The following UGT1A8 variants were observed in gnomAD, a reference collection of about 807,000 sequenced individuals.
UGT1A8 encodes the protein UDP-glucuronosyltransferase 1A8.
In UGT1A8, 39 loss-of-function variants were observed where a neutral mutation model predicts 45.3. The observed-to-expected ratio is 0.86, with a 90% CI of 0.67 to 1.12. The LOEUF (loss-of-function observed/expected upper bound fraction) is 1.12, where lower values mean the gene tolerates loss of function less well. Among genes scored for constraint, UGT1A8 ranks in the 50% most tolerant of loss-of-function variants. UGT1A8 has a pLI of 0.00. For missense variants in UGT1A8, 719 were observed against 664.9 expected (o/e 1.08, Z -0.90); for synonymous variants, 275 against 249.2 (o/e 1.10, Z -0.97).
At chr2:233,687,056 G>A (rs2074820824) in intron 1 of UGT1A8, among the ~76,000 whole-genome samples, 1 of 152,178 alleles carries the variant, frequency 6.6e-6, no homozygotes, top group African/African-American at 2.4e-5. Context: ...GGACCCTGGA[G>A]TCCTCCAAGC....
chr2:233,747,198 C>G, intron 1 of UGT1A8: 10 of 1,604,166 alleles, frequency 6.2e-6, no homozygotes, highest in South Asian at 1.1e-5. Context: ...GTCAGCTGTC[C>G]GTGTCTTCTG....
At chr2:233,758,898 T>G (rs1462729445) in intron 1 of UGT1A8, among the ~76,000 whole-genome samples, 1 of 152,186 alleles carries the variant, frequency 6.6e-6, no homozygotes, top group Non-Finnish European at 1.5e-5. Context: ...AAATACAAAT[T>G]TGAGTTGTTT....
At chr2:233,682,754 G>A (rs1259249288) in intron 1 of UGT1A8, 18 of 1,613,802 alleles carry the variant, frequency 1.1e-5, no homozygotes, top group Non-Finnish European at 1.4e-5. Flanking sequence ...GATCTTCATT[G>A]GTGGTATCAA....
intron 1 of UGT1A8, among the ~76,000 whole-genome samples, chr2:233,756,709 T>A (rs1182039710): frequency 1.3e-5 from 2 of 152,126 alleles, no homozygotes; most frequent in Admixed American, 6.5e-5. Flanking sequence ...TTGGGGGGAC[T>A]TTTTTTGAGA....
intron 1 of UGT1A8, chr2:233,740,958 A>C (rs1691521445): frequency 6.6e-6 from 1 of 151,686 alleles, no homozygotes; most frequent in Non-Finnish European, 1.5e-5. Context: ...GTGTGGTAGC[A>C]TTTCTGTAGT....
chr2:233,653,449 G>A (rs1007659189), intron 1 of UGT1A8, among the ~76,000 whole-genome samples: 6 of 152,128 alleles, frequency 3.9e-5, no homozygotes, highest in African/African-American at 1.2e-4. Flanking sequence ...TACTGTGGTT[G>A]GTAATCTTGT....
chr2:233,658,402 T>C (rs1180002107), intron 1 of UGT1A8, among the ~76,000 whole-genome samples: 4 of 152,234 alleles, frequency 2.6e-5, no homozygotes, highest in South Asian at 2.1e-4. Flanking sequence ...TGAACTAAAG[T>C]CTGTGTTCTC....
chr2:233,624,003 A>G (rs1347795453), intron 1 of UGT1A8, among the ~76,000 whole-genome samples: 1 of 152,138 alleles, frequency 6.6e-6, no homozygotes, highest in African/African-American at 2.4e-5. Context: ...ATTTTAGAAT[A>G]AATAGAGGTT....
chr2:233,630,307 C>G (rs1375121817), intron 1 of UGT1A8, among the ~76,000 whole-genome samples: 2 of 152,098 alleles, frequency 1.3e-5, no homozygotes, highest in Admixed American at 1.3e-4. Context: ...CCGAAAGGAG[C>G]CATCTTGTGC....
chr2:233,718,771 A>T, intron 1 of UGT1A8: 4 of 1,612,862 alleles, frequency 2.5e-6, no homozygotes, highest in Non-Finnish European at 3.4e-6. Flanking sequence ...AAACAAATGT[A>T]GCAGGCACAG....
intron 1 of UGT1A8, chr2:233,672,613 GC>G (rs1302383027): frequency 6.2e-7 from 1 of 1,613,606 alleles, no homozygotes. Context: ...TTTCAAAAAT[GC>G]CCTAGAAATA....
At chr2:233,645,963 G>C (rs2073591655) in intron 1 of UGT1A8, among the ~76,000 whole-genome samples, 1 of 152,250 alleles carries the variant, frequency 6.6e-6, no homozygotes, top group Admixed American at 6.5e-5. Context: ...GAGGTTCTCT[G>C]TGAGGGTCCT....
chr2:233,729,600 G>A (rs751884181), intron 1 of UGT1A8: 13 of 1,613,992 alleles, frequency 8.1e-6, no homozygotes, highest in South Asian at 2.2e-5. Context: ...ACCTCTGCGC[G>A]GCAGTGCTGG....
intron 1 of UGT1A8, chr2:233,760,458 A>T (rs1336419159): frequency 6.2e-7 from 1 of 1,614,212 alleles, no homozygotes; most frequent in Non-Finnish European, 8.5e-7. Flanking sequence ...GACATGAAAT[A>T]GTTGTCCTAG....
intron 1 of UGT1A8, chr2:233,692,449 C>T (rs45568235): frequency 0.021 from 3,275 of 156,680 alleles, 115 homozygotes; most frequent in African/African-American, 0.074. Flanking sequence ...ACCTGGGGAC[C>T]TACTACTTGC....
At chr2:233,637,474 G>T (rs1292289661) in intron 1 of UGT1A8, 9 of 1,496,642 alleles carry the variant, frequency 6.0e-6, no homozygotes, top group South Asian at 1.4e-5. Flanking sequence ...TTCGTTTGTT[G>T]CATTTCAAAT....
chr2:233,685,319 C>T (rs915845049), intron 1 of UGT1A8, among the ~76,000 whole-genome samples: 2 of 152,088 alleles, frequency 1.3e-5, no homozygotes, highest in South Asian at 4.1e-4. Context: ...AGGTGTGAAC[C>T]ACCACACCCG....
rs2075671256 is a variant in UGT1A8 at position 233,702,138 on chromosome 2, A to T, written c.856-64896A>T. Reference sequence around the variant, plus strand: ...CTTAGAACATTTTCAGTCACTCCCAAAGATACCTTATATCTATTATCAGTC... The same window carrying T: ...CTTAGAACATTTTCAGTCACTCCCATAGATACCTTATATCTATTATCAGTC... On this transcript the variant is annotated intron_variant, in intron 1 of 4. Transcript: ENST00000373450. Among the ~76,000 whole-genome samples the T allele has an allele frequency of 2.0e-5, 3 of 152,126 alleles. No homozygotes were observed. In the South Asian group the frequency reaches 6.2e-4, roughly 32 times the overall value.
intron 1 of UGT1A8, among the ~76,000 whole-genome samples, chr2:233,728,416 G>A (rs563525403): frequency 6.4e-4 from 98 of 152,296 alleles, no homozygotes; most frequent in African/African-American, 2.2e-3. Context: ...TTAGATAGCA[G>A]CACCTCTTCT....
Sources: allele counts gnomAD v4.1 joint callset (sites outside exome capture counted in the v4.1 genomes callset), GRCh38; gene constraint gnomAD v4.1.1; transcripts MANE v1.5; gene names NCBI Gene and HGNC (gene_info 2026-07-23, HGNC 2026-07-21).